SCN10A: variants seen among roughly 807,000 people sequenced by gnomAD.
SCN10A encodes the protein sodium voltage-gated channel alpha subunit 10.
SCN10A carries 162 observed loss-of-function variants against 170.7 expected under a neutral mutation model. The ratio of observed to expected loss-of-function variants is 0.95; its 90% CI spans 0.84 to 1.08. The LOEUF (loss-of-function observed/expected upper bound fraction) is 1.08. Ranked by LOEUF, SCN10A falls within the 50% of genes least tolerant of loss-of-function variation. SCN10A has a pLI of 0.00. For synonymous variants in SCN10A, 985 were observed against 904.6 expected, an observed-to-expected ratio of 1.09 and a Z score of -1.59; for missense variants, 2,527 against 2,436.9, an observed-to-expected ratio of 1.04 and a Z score of -0.78.
chr3:38,745,708 C>G (rs1376975769), intron 13 of SCN10A, among the ~76,000 whole-genome samples: 1 of 152,092 alleles, frequency 6.6e-6, no homozygotes, highest in Non-Finnish European at 1.5e-5. Context: ...CAAAGACATC[C>G]ATGTGACTAA....
At chr3:38,767,475 C>T (rs971602606) in intron 5 of SCN10A, among the ~76,000 whole-genome samples, 12 of 152,002 alleles carry the variant, frequency 7.9e-5, no homozygotes, top group Non-Finnish European at 1.5e-4. Flanking sequence ...TTTAAACTTC[C>T]ATCTTGATTT....
Position 38,764,762 on chromosome 3 carries a change from C to T in SCN10A, c.600-1166G>A, listed in dbSNP as rs537873404. Among the ~76,000 whole-genome samples the T allele has an allele frequency of 5.9e-5, 9 of 152,242 alleles. No homozygotes were observed. The South Asian group carries it at 1.2e-3, about 21-fold the overall frequency. On this transcript the variant is annotated intron_variant, in intron 5 of 27. Coordinates refer to ENST00000449082, the MANE Select transcript of SCN10A (RefSeq NM_006514.4). ...GGGATTGCTGGACCAAATGGTAGTT[C>T]TACTTTTAGTTCTTTAAGGAATCTC...
At chr3:38,728,503 C>T (rs2063479965) in intron 16 of SCN10A, 39 bp downstream of exon 16, 1 of 1,520,378 alleles carries the variant, frequency 6.6e-7, no homozygotes, top group Non-Finnish European at 8.8e-7. Context: ...CTTCTCCTTT[C>T]CCCAGGAGAC....
chr3:38,721,473 C>T (rs973356471), intron 20 of SCN10A, among the ~76,000 whole-genome samples: 4 of 152,094 alleles, frequency 2.6e-5, no homozygotes, highest in South Asian at 2.1e-4. Context: ...GGTCTATTGG[C>T]GGAGTAGTTG....
intron 1 of SCN10A, among the ~76,000 whole-genome samples, chr3:38,805,303 T>C (rs2064398577): frequency 6.6e-6 from 1 of 152,110 alleles, no homozygotes; most frequent in South Asian, 2.1e-4. Flanking sequence ...ACTACTGTTA[T>C]GTCTGAGTGA....
chr3:38,769,996 G>A (rs771903251), intron 5 of SCN10A, among the ~76,000 whole-genome samples: 7 of 152,290 alleles, frequency 4.6e-5, no homozygotes, highest in East Asian at 3.9e-4. Context: ...GAGAGTCCTA[G>A]GCTGTAGATA....
At chr3:38,806,285 T>C (rs1453099977) in intron 1 of SCN10A, among the ~76,000 whole-genome samples, 2 of 152,166 alleles carry the variant, frequency 1.3e-5, no homozygotes, top group Non-Finnish European at 2.9e-5. Flanking sequence ...TCTTAACTTC[T>C]CCTGAGTCTT....
Position 38,701,912 on chromosome 3 carries a change from G to A in SCN10A, c.4584C>T (p.Phe1528=), listed in dbSNP as rs141828577. Residue 1528 remains phenylalanine (F), a synonymous_variant, in exon 27 of 28, where the codon TTC becomes TTT. Transcript: ENST00000449082. ...VFTGECVMKM[F]ALRQYYFTNG... ...TTGTGAAGTAGTACTGCCTCAAAGC[G>A]AACATCTTCATGACACATTCGCCTG... 4.6e-5 allele frequency: 75 copies of A among 1,614,006 alleles called. No individual in the cohort carries two copies. Among genetic ancestry groups the A allele is most frequent in the South Asian group, 2.2e-4 (20 of 91,056 alleles).
Position 38,733,282 on chromosome 3 carries a change from G to A in SCN10A, c.2281-4381C>T, listed in dbSNP as rs183283744. On this transcript the variant is annotated intron_variant, in intron 15 of 27. Coordinates refer to ENST00000449082, the MANE Select transcript of SCN10A (RefSeq NM_006514.4). ...AGTTATATTGGCCTCCTTCAGGCAT[G>A]GCAAAGTCACTTCTTGGAGTCCCAC... Among the ~76,000 whole-genome samples the A allele has an allele frequency of 1.3e-3, 196 of 152,260 alleles. 1 individual carries two copies. The highest frequency in any genetic ancestry group is 2.3e-3 in the Non-Finnish European group (156 of 68,026).
At chr3:38,729,923 T>C (rs2063497811) in intron 15 of SCN10A, among the ~76,000 whole-genome samples, 1 of 152,218 alleles carries the variant, frequency 6.6e-6, no homozygotes, top group Non-Finnish European at 1.5e-5. Context: ...TGCACCTCTT[T>C]ATGTGATGGG....
chr3:38,766,980 T>C (rs2063939719), intron 5 of SCN10A, among the ~76,000 whole-genome samples: 1 of 152,126 alleles, frequency 6.6e-6, no homozygotes, highest in East Asian at 1.9e-4. Flanking sequence ...TTCCAGGAAT[T>C]TATTCATCTC....
rs1283558641 is a variant in SCN10A, at chr3:38,723,562, G to A, written c.3229-9C>T. 6.3e-7 allele frequency: 1 copy of A among 1,577,752 alleles called. No homozygotes were observed. Among genetic ancestry groups the A allele is most frequent in the Non-Finnish European group, 8.6e-7 (1 of 1,160,850 alleles). On this transcript the variant is annotated splice_polypyrimidine_tract_variant and intron_variant, in intron 18 of 27. Transcript: ENST00000449082. ...CTTGTGTCGTCCACTCCCTGCAGGG[G>A]AGAAGCCCAGGGCAGTGAACTCGTC...
At chr3:38,750,575 T>G (rs56824318) in intron 12 of SCN10A, among the ~76,000 whole-genome samples, 13,956 of 152,248 alleles carry the variant, frequency 0.092, 1,121 homozygotes, top group African/African-American at 0.2. Context: ...CTGTCAGACA[T>G]GTATAAAAAT....
At position 38,712,279 on chromosome 3, in the gene SCN10A, G is replaced by A. The variant is rs756046052; in HGVS notation, c.3971C>T (p.Ser1324Leu). 6.8e-6 allele frequency: 11 copies of A among 1,614,024 alleles called. No individual in the cohort carries two copies. Among genetic ancestry groups the A allele is most frequent in the Admixed American group, 6.7e-5 (4 of 59,994 alleles). Residue 1324 changes from serine (S) to leucine (L), a missense_variant, in exon 23 of 28, where the codon TCG becomes TTG. By Grantham distance (145) the Ser-to-Leu change is moderately radical. Transcript: ENST00000449082. ...GCAGTCAGACTTGTTATTCACAATC[G>A]ACAAAGGTACAAGGGAAAACTCTCC... The part of the protein sequence containing the change: ...TDGEFSLVPL[S>L]IVNNKSDCKI...
intron 15 of SCN10A, among the ~76,000 whole-genome samples, chr3:38,737,829 TTTC>T (rs879681614): frequency 0.05 from 6,422 of 127,354 alleles, 207 homozygotes; most frequent in East Asian, 0.11. Context: ...TCTTTCTTTC[TTTC>T]TCTTTCTTCT....
rs1488076050 is a variant in SCN10A, at chr3:38,697,844, C to T, written c.5376G>A (p.Leu1792=). Reference sequence around the variant, plus strand: ...AGCAGTGGATCTTATCTCCAGGGACCAAAGGCAGGTCCATCTGGATCAGTA... The same window carrying T: ...AGCAGTGGATCTTATCTCCAGGGACTAAAGGCAGGTCCATCTGGATCAGTA... ...RNILIQMDLP[L]VPGDKIHCLD... Residue 1792 remains leucine (L), a synonymous_variant, in exon 28 of 28, where the codon TTG becomes TTA. Coordinates refer to ENST00000449082, the MANE Select transcript of SCN10A (RefSeq NM_006514.4). The T allele has an allele frequency of 2.5e-6, 4 of 1,614,062 alleles. No homozygotes were observed. The highest frequency in any genetic ancestry group is 3.4e-6 in the Non-Finnish European group (4 of 1,180,010).
At chr3:38,794,497 T>A (rs537345532) in intron 1 of SCN10A, among the ~76,000 whole-genome samples, 1 of 152,214 alleles carries the variant, frequency 6.6e-6, no homozygotes, top group African/African-American at 2.4e-5. Flanking sequence ...CTCCACCTGT[T>A]TGAATTTCAT....
chr3:38,775,060 T>C (rs2064055685), intron 4 of SCN10A, among the ~76,000 whole-genome samples: 1 of 152,120 alleles, frequency 6.6e-6, no homozygotes, highest in African/African-American at 2.4e-5. Flanking sequence ...CCTTTCCTCT[T>C]TTAAAAAAAA....
chr3:38,786,627 T>C (rs182150399), intron 4 of SCN10A, among the ~76,000 whole-genome samples: 37 of 152,176 alleles, frequency 2.4e-4, no homozygotes, highest in Admixed American at 7.9e-4. Flanking sequence ...TAAAGTAAAA[T>C]TTAAAAAAGG....
Sources: gnomAD v4.1 joint callset for allele counts (sites outside exome capture counted in the v4.1 genomes callset) on GRCh38, gnomAD v4.1.1 for gene constraint, MANE v1.5 for transcripts, NCBI Gene and HGNC (gene_info 2026-07-23, HGNC 2026-07-21) for gene names.